SYT1: variants seen among roughly 807,000 people sequenced by gnomAD.
SYT1 encodes the protein synaptotagmin-1.
In SYT1, 8 loss-of-function variants were observed where a neutral mutation model predicts 44.8. That is an observed-to-expected ratio of 0.18 (90% CI 0.10 to 0.32). SYT1 has a LOEUF of 0.32. Among genes scored for constraint, SYT1 ranks in the 10% least tolerant of loss-of-function variants. SYT1 has a pLI of 1.00. For synonymous variants in SYT1, 154 were observed against 188.8 expected (o/e 0.82, Z 1.51); for missense variants, 286 against 509.3 (o/e 0.56, Z 4.22).
chr12:79,111,407 G>A (rs1241864032), intron 3 of SYT1, among the ~76,000 whole-genome samples: 1 of 151,948 alleles, frequency 6.6e-6, no homozygotes, highest in Non-Finnish European at 1.5e-5. Flanking sequence ...TCTGCAAGTT[G>A]ATCTCTTCTA....
chr12:79,349,113 G>C (rs558798035), intron 8 of SYT1, among the ~76,000 whole-genome samples: 1 of 149,792 alleles, frequency 6.7e-6, no homozygotes, highest in East Asian at 2.0e-4. Flanking sequence ...ACAAACAGGA[G>C]GAAGGGAGGA....
At position 79,222,890 on chromosome 12, in the gene SYT1, C is replaced by A. The variant is rs184395225; in HGVS notation, c.166+5205C>A. ...TTTGACCAGTTCTGCTGTTAATACC[C>A]TCTACTGCATTTTTTTTCTTTCATT... On this transcript the variant is annotated intron_variant, in intron 4 of 10. Transcript: ENST00000261205. Among the ~76,000 whole-genome samples the A allele has an allele frequency of 2.3e-3, 356 of 152,248 alleles. 1 individual carries two copies. The highest frequency in any genetic ancestry group is 4.0e-3 in the Non-Finnish European group (273 of 68,022).
chr12:78,897,741 T>C (rs939621997), intron 1 of SYT1, among the ~76,000 whole-genome samples: 3 of 152,110 alleles, frequency 2.0e-5, no homozygotes, highest in Non-Finnish European at 4.4e-5. Flanking sequence ...GATAAGTTTG[T>C]ACTGGTAATT....
intron 3 of SYT1, among the ~76,000 whole-genome samples, chr12:79,162,959 A>C (rs1192447907): frequency 6.6e-6 from 1 of 152,146 alleles, no homozygotes; most frequent in African/African-American, 2.4e-5. Context: ...AGATACAATG[A>C]ATGTTCCTGA....
intron 4 of SYT1, among the ~76,000 whole-genome samples, chr12:79,236,171 G>A (rs1465758779): frequency 1.3e-5 from 2 of 152,162 alleles, no homozygotes; most frequent in African/African-American, 4.8e-5. Context: ...CCAGCCCATT[G>A]TACATAAATC....
intron 1 of SYT1, among the ~76,000 whole-genome samples, chr12:78,946,255 C>T (rs1878649238): frequency 6.6e-6 from 1 of 152,180 alleles, no homozygotes; most frequent in Non-Finnish European, 1.5e-5. Flanking sequence ...TGAGGGGCAT[C>T]TGGTGAATGC....
chr12:79,048,046 AG>A (rs1379228067), intron 3 of SYT1, among the ~76,000 whole-genome samples: 1 of 151,920 alleles, frequency 6.6e-6, no homozygotes, highest in Non-Finnish European at 1.5e-5. Flanking sequence ...GTGAATATGA[AG>A]AACAATAACA....
intron 1 of SYT1, among the ~76,000 whole-genome samples, chr12:78,876,706 T>C (rs1405798310): frequency 8.5e-5 from 10 of 117,122 alleles, no homozygotes; most frequent in Admixed American, 1.2e-4. Context: ...TAGTATATTA[T>C]ATAATATATT....
intron 1 of SYT1, among the ~76,000 whole-genome samples, chr12:78,876,836 T>TAAATA (rs1565697705): frequency 1.8e-5 from 1 of 56,400 alleles, no homozygotes; most frequent in Non-Finnish European, 3.0e-5. Context: ...ATATGTATTA[T>TAAATA]ATATAATATA....
chr12:78,942,417 A>C (rs145275356), intron 1 of SYT1, among the ~76,000 whole-genome samples: 1 of 152,124 alleles, frequency 6.6e-6, no homozygotes, highest in Non-Finnish European at 1.5e-5. Flanking sequence ...TCAGACTCCA[A>C]ATCTTTCTCA....
At chr12:79,097,012 A>G (rs959970475) in intron 3 of SYT1, among the ~76,000 whole-genome samples, 24 of 152,026 alleles carry the variant, frequency 1.6e-4, no homozygotes, top group African/African-American at 5.6e-4. Context: ...ATTAGTCACA[A>G]TCAAGTACGG....
At chr12:78,878,009 T>C (rs1874265728) in intron 1 of SYT1, among the ~76,000 whole-genome samples, 1 of 151,830 alleles carries the variant, frequency 6.6e-6, no homozygotes. Flanking sequence ...AAGTCCACAA[T>C]GAATCTAGCA....
intron 1 of SYT1, among the ~76,000 whole-genome samples, chr12:78,938,340 G>T (rs1460121115): frequency 6.6e-6 from 1 of 152,118 alleles, no homozygotes; most frequent in Admixed American, 6.6e-5. Context: ...CCTTTCCTCT[G>T]AGTTTAATAG....
At chr12:79,308,437 C>T (rs1880528608) in intron 8 of SYT1, among the ~76,000 whole-genome samples, 1 of 149,364 alleles carries the variant, frequency 6.7e-6, no homozygotes, top group Admixed American at 6.6e-5. Flanking sequence ...AGCCAGGAGG[C>T]GGAGCTTGCA....
chr12:79,334,562 C>T (rs951421323), intron 8 of SYT1, among the ~76,000 whole-genome samples: 15 of 152,086 alleles, frequency 9.9e-5, no homozygotes, highest in Admixed American at 2.0e-4. Flanking sequence ...TGAAGCAGCA[C>T]GTTCAAAGGC....
At chr12:79,397,124 G>T (rs1040425101) in intron 9 of SYT1, among the ~76,000 whole-genome samples, 1 of 152,190 alleles carries the variant, frequency 6.6e-6, no homozygotes, top group Non-Finnish European at 1.5e-5. Context: ...GAGTGAAAGG[G>T]ATGAGGTCTC....
chr12:78,886,775 T>G (rs1874775532), intron 1 of SYT1, among the ~76,000 whole-genome samples: 1 of 152,016 alleles, frequency 6.6e-6, no homozygotes. Flanking sequence ...AAGTGTATGA[T>G]AGTGCGTTAT....
chr12:79,178,602 A>G (rs1042847384), intron 3 of SYT1, among the ~76,000 whole-genome samples: 2 of 151,692 alleles, frequency 1.3e-5, no homozygotes, highest in African/African-American at 2.4e-5. Flanking sequence ...TTTTACTGCA[A>G]TATTATTTTT....
chr12:79,411,240 G>A lies in SYT1; in HGVS notation c.929-32833G>A, dbSNP rs77115660. On this transcript the variant is annotated intron_variant, in intron 9 of 10. Transcript: ENST00000261205. Reference sequence around the variant, plus strand: ...GCCATGGACCTGTGTGGCACATGAGGCTCCAGACAATGAAGAGAAAAAGGG... The same window carrying A: ...GCCATGGACCTGTGTGGCACATGAGACTCCAGACAATGAAGAGAAAAAGGG... 2.2e-3 allele frequency among the ~76,000 whole-genome samples: 329 copies of A among 152,248 alleles called. 7 individuals are homozygous for A. The East Asian group carries it at 0.035, about 16-fold the overall frequency.
Sources: allele counts gnomAD v4.1 joint callset (sites outside exome capture counted in the v4.1 genomes callset), GRCh38; gene constraint gnomAD v4.1.1; transcripts MANE v1.5; gene names NCBI Gene and HGNC (gene_info 2026-07-23, HGNC 2026-07-21).